The following TRHDE variants were observed in gnomAD, a reference collection of about 807,000 sequenced individuals.
The protein encoded by TRHDE is thyrotropin releasing hormone degrading enzyme.
Under a neutral mutation model 125.7 loss-of-function variants are expected in TRHDE, and 72 were observed. The ratio of observed to expected loss-of-function variants is 0.57; its 90% CI spans 0.47 to 0.70. The LOEUF (loss-of-function observed/expected upper bound fraction) is 0.70. TRHDE is among the 30% of genes least tolerant of loss of function. The pLI is 0.00. For missense variants in TRHDE, 1,110 were observed against 1,327.1 expected (o/e 0.84, Z 2.54); for synonymous variants, 509 against 509.1 (o/e 1.00, Z 0.00).
At chr12:72,361,112 G>A (rs142419172) in intron 2 of TRHDE, among the ~76,000 whole-genome samples, 14 of 151,834 alleles carry the variant, frequency 9.2e-5, no homozygotes, top group African/African-American at 3.4e-4. Context: ...AGTTTGCTGA[G>A]GATAATTTGT....
At chr12:72,659,747 T>A (rs1174034654) in intron 18 of TRHDE, among the ~76,000 whole-genome samples, 1 of 152,164 alleles carries the variant, frequency 6.6e-6, no homozygotes, top group African/African-American at 2.4e-5. Flanking sequence ...AATGTTATTT[T>A]ATAAAAGTGC....
upstream of TRHDE, among the ~76,000 whole-genome samples, chr12:72,269,655 C>G (rs556676021): frequency 6.6e-6 from 1 of 152,100 alleles, no homozygotes; most frequent in Admixed American, 6.6e-5. Context: ...TACAAACACA[C>G]AGCAAGACAG....
chr12:72,625,746 A>G (rs1335140180), intron 15 of TRHDE, among the ~76,000 whole-genome samples: 1 of 151,972 alleles, frequency 6.6e-6, no homozygotes, highest in African/African-American at 2.4e-5. Context: ...CCAAGATTAT[A>G]TGATAATAGG....
intron 3 of TRHDE, among the ~76,000 whole-genome samples, chr12:72,466,034 C>T (rs1477719707): frequency 1.3e-5 from 2 of 152,172 alleles, no homozygotes; most frequent in African/African-American, 4.8e-5. Flanking sequence ...TTTGGTTGAT[C>T]TGTAATCTTG....
At chr12:72,251,563 C>A (rs569732685) in intron 2 of TRHDE, among the ~76,000 whole-genome samples, 1 of 151,878 alleles carries the variant, frequency 6.6e-6, no homozygotes, top group East Asian at 1.9e-4. Context: ...AACCATTCAC[C>A]CATGGTAGGA....
intron 3 of TRHDE, among the ~76,000 whole-genome samples, chr12:72,379,780 T>C (rs540123356): frequency 6.6e-6 from 1 of 152,334 alleles, no homozygotes; most frequent in South Asian, 2.1e-4. Context: ...CGCTACTTGT[T>C]AAGCTACCTT....
chr12:72,559,839 G>A (rs1442145880), intron 7 of TRHDE, among the ~76,000 whole-genome samples: 1 of 151,900 alleles, frequency 6.6e-6, no homozygotes, highest in Non-Finnish European at 1.5e-5. Context: ...TTGCCAAGTG[G>A]TTATTATACC....
chr12:72,272,358 G>C, upstream of TRHDE: 1 of 366,256 alleles, frequency 2.7e-6, no homozygotes, highest in Non-Finnish European at 5.3e-6. This position sits in a 1 kb window ranked among gnomAD's most constrained non-coding sequence, Gnocchi z 6.7. Flanking sequence ...CCCCGCCGCC[G>C]GGTGCTCGTC....
At chr12:72,477,276 C>T (rs902756292) in intron 5 of TRHDE, among the ~76,000 whole-genome samples, 47 of 152,242 alleles carry the variant, frequency 3.1e-4, no homozygotes, top group Admixed American at 8.5e-4. Flanking sequence ...ACATTTCCAA[C>T]CCTAGTAATC....
intron 15 of TRHDE, among the ~76,000 whole-genome samples, chr12:72,638,454 A>T (rs1290250223): frequency 2.0e-5 from 3 of 151,322 alleles, no homozygotes; most frequent in Non-Finnish European, 3.0e-5. Flanking sequence ...TTGACTCTTT[A>T]TCCAATTTGC....
intron 4 of TRHDE, among the ~76,000 whole-genome samples, chr12:72,471,060 A>T (rs1217218037): frequency 1.3e-5 from 2 of 151,718 alleles, no homozygotes; most frequent in African/African-American, 4.8e-5. Context: ...TATTTTTAGT[A>T]GAGACGGGGT....
At chr12:72,109,956 C>T (rs893934060) in intron 2 of TRHDE, among the ~76,000 whole-genome samples, 1 of 152,008 alleles carries the variant, frequency 6.6e-6, no homozygotes, top group African/African-American at 2.4e-5. Flanking sequence ...TACTTTCCTT[C>T]GAATTATACA....
intron 18 of TRHDE, among the ~76,000 whole-genome samples, chr12:72,661,282 G>A (rs749972829): frequency 4.6e-5 from 7 of 152,090 alleles, no homozygotes; most frequent in African/African-American, 1.7e-4. Context: ...TACTTTATGT[G>A]TTTAGGCTGG....
At chr12:72,306,755 C>G (rs900784936) in intron 2 of TRHDE, 5 of 151,942 alleles carry the variant, frequency 3.3e-5, no homozygotes, top group Admixed American at 3.3e-4. Flanking sequence ...GTGAGTTTGA[C>G]AAAAGCATTA....
At chr12:72,496,245 T>C (rs1013409608) in intron 5 of TRHDE, among the ~76,000 whole-genome samples, 1 of 152,206 alleles carries the variant, frequency 6.6e-6, no homozygotes, top group Non-Finnish European at 1.5e-5. Context: ...TTCCTTTAAA[T>C]GTTCCACAAA....
At chr12:72,503,909 A>G (rs1245749655) in intron 6 of TRHDE, among the ~76,000 whole-genome samples, 1 of 152,218 alleles carries the variant, frequency 6.6e-6, no homozygotes, top group Admixed American at 6.5e-5. Context: ...GGGATGGGGT[A>G]TTCTGACTGG....
intron 12 of TRHDE, among the ~76,000 whole-genome samples, chr12:72,599,975 T>C (rs1872142456): frequency 6.6e-6 from 1 of 152,046 alleles, no homozygotes; most frequent in Non-Finnish European, 1.5e-5. Flanking sequence ...AGCCAGCTAT[T>C]TCAGCACTAT....
At chr12:72,497,030 G>A (rs184844142) in intron 5 of TRHDE, among the ~76,000 whole-genome samples, 1 of 152,120 alleles carries the variant, frequency 6.6e-6, no homozygotes, top group Admixed American at 6.6e-5. Context: ...GTGTTCTCCT[G>A]CCAGGCTTTT....
At chr12:72,578,136 T>C (rs984943879) in intron 12 of TRHDE, among the ~76,000 whole-genome samples, 3 of 152,186 alleles carry the variant, frequency 2.0e-5, no homozygotes, top group African/African-American at 7.2e-5. Flanking sequence ...CATAAAAGAA[T>C]AGCAAATATT....
Sources: allele counts gnomAD v4.1 joint callset (sites outside exome capture counted in the v4.1 genomes callset), GRCh38; gene constraint gnomAD v4.1.1; non-coding constraint Gnocchi (gnomAD v3.1); transcripts MANE v1.5; gene names NCBI Gene and HGNC (gene_info 2026-07-23, HGNC 2026-07-21).